The following CPA6 variants were observed in gnomAD, a reference collection of about 807,000 sequenced individuals.
The protein encoded by CPA6 is carboxypeptidase A6.
CPA6 carries 58 observed loss-of-function variants against 63.3 expected under a neutral mutation model. That is an observed-to-expected ratio of 0.92 (90% CI 0.74 to 1.14). CPA6 has a LOEUF of 1.14. Ranked by LOEUF, CPA6 falls within the 50% of genes most tolerant of loss-of-function variation. The pLI is 0.00. For missense variants in CPA6, 565 were observed against 526.6 expected, an observed-to-expected ratio of 1.07 and a Z score of -0.71; for synonymous variants, 185 against 179.0, an observed-to-expected ratio of 1.03 and a Z score of -0.27.
At chr8:67,432,629 A>AT (rs1212915419) in intron 9 of CPA6, among the ~76,000 whole-genome samples, 1 of 152,008 alleles carries the variant, frequency 6.6e-6, no homozygotes, top group African/African-American at 2.4e-5. Flanking sequence ...CACCTGGCTA[A>AT]TTTTTAATTT....
At chr8:67,457,855 C>T (rs543472972) in intron 8 of CPA6, among the ~76,000 whole-genome samples, 70 of 152,288 alleles carry the variant, frequency 4.6e-4, no homozygotes, top group African/African-American at 1.6e-3. Flanking sequence ...CCAATTCCTG[C>T]TCTGTCATTC....
At chr8:67,455,718 T>G (rs1342444682) in intron 8 of CPA6, among the ~76,000 whole-genome samples, 1 of 151,314 alleles carries the variant, frequency 6.6e-6, no homozygotes, top group African/African-American at 2.4e-5. Context: ...AGACTGTTTT[T>G]TTTGTTTGTT....
intron 8 of CPA6, among the ~76,000 whole-genome samples, chr8:67,464,641 G>A (rs761306118): frequency 3.3e-5 from 5 of 152,146 alleles, no homozygotes; most frequent in Non-Finnish European, 7.3e-5. Flanking sequence ...AATTTTTATA[G>A]TTTGAGGCCT....
At chr8:67,422,930 A>T (rs754144497) in intron 10 of CPA6, among the ~76,000 whole-genome samples, 1 of 152,212 alleles carries the variant, frequency 6.6e-6, no homozygotes, top group Non-Finnish European at 1.5e-5. Flanking sequence ...ACCAGCACGA[A>T]GACTAAAATT....
At chr8:67,651,839 C>A (rs1815846793) in intron 1 of CPA6, among the ~76,000 whole-genome samples, 1 of 151,872 alleles carries the variant, frequency 6.6e-6, no homozygotes, top group South Asian at 2.1e-4. Context: ...TGTGCTGCAC[C>A]CATTAACTCG....
intron 2 of CPA6, among the ~76,000 whole-genome samples, chr8:67,597,140 C>G (rs1361674213): frequency 6.6e-6 from 1 of 150,616 alleles, no homozygotes; most frequent in Non-Finnish European, 1.5e-5. Flanking sequence ...TTCTTTTTCT[C>G]TTTTTTCCTT....
chr8:67,509,703 G>T, intron 4 of CPA6, 85 bp from the exon 5 acceptor site: 1 of 637,962 alleles, frequency 1.6e-6, no homozygotes, highest in South Asian at 2.3e-5. Context: ...AAAGACAACA[G>T]TAGTTCTCCG....
chr8:67,517,535 C>T (rs11994817), intron 3 of CPA6, among the ~76,000 whole-genome samples: 23,072 of 152,184 alleles, frequency 0.15, 4,890 homozygotes, highest in African/African-American at 0.48. Context: ...TCTGCACTTG[C>T]ATGCTGCTTC....
rs141331556 is a variant in CPA6, at chr8:67,501,943, A to G, written c.636+4844T>C. 2.8e-3 allele frequency among the ~76,000 whole-genome samples: 429 copies of G among 152,326 alleles called. 3 individuals are homozygous for G. The highest frequency in any genetic ancestry group is 9.7e-3 in the African/African-American group (403 of 41,576). On this transcript the variant is annotated intron_variant, in intron 6 of 10. Transcript: ENST00000297770. ...AGTTATAGGGATATTCAAATTCTCT[A>G]CTTTCTAATAGGTAAGTTGTAGTAG... is the stretch of plus-strand genomic sequence containing the variant.
chr8:67,646,545 G>A (rs1815718417), intron 1 of CPA6, among the ~76,000 whole-genome samples: 1 of 152,124 alleles, frequency 6.6e-6, no homozygotes, highest in Non-Finnish European at 1.5e-5. Context: ...AAGATCTTGG[G>A]AGAGAAAAAA....
intron 9 of CPA6, among the ~76,000 whole-genome samples, chr8:67,428,590 T>G (rs1392064885): frequency 1.3e-5 from 2 of 152,206 alleles, no homozygotes; most frequent in Admixed American, 1.3e-4. Flanking sequence ...TTCAAGCGAT[T>G]CCCCTGCCTC....
chr8:67,504,827 G>A (rs1345734881), intron 6 of CPA6, among the ~76,000 whole-genome samples: 5 of 152,168 alleles, frequency 3.3e-5, no homozygotes. Context: ...TGAAAGAGGT[G>A]TGGGGAGGGT....
At chr8:67,587,238 C>T (rs988525298) in intron 2 of CPA6, among the ~76,000 whole-genome samples, 1 of 152,078 alleles carries the variant, frequency 6.6e-6, no homozygotes, top group Non-Finnish European at 1.5e-5. Flanking sequence ...CTTGAAGTAT[C>T]TCCTTTCGAC....
intron 2 of CPA6, among the ~76,000 whole-genome samples, chr8:67,546,532 C>T (rs537690754): frequency 2.6e-5 from 4 of 152,308 alleles, no homozygotes; most frequent in South Asian, 2.1e-4. Context: ...CTTTCAACAT[C>T]GCATGTAACT....
intron 1 of CPA6, among the ~76,000 whole-genome samples, chr8:67,646,202 C>G (rs1176850839): frequency 6.6e-6 from 1 of 152,188 alleles, no homozygotes; most frequent in Non-Finnish European, 1.5e-5. Flanking sequence ...GCAGGCAGCA[C>G]TCCAGTTTCT....
At chr8:67,495,129 C>T (rs933107354) in intron 6 of CPA6, among the ~76,000 whole-genome samples, 1 of 151,992 alleles carries the variant, frequency 6.6e-6, no homozygotes, top group African/African-American at 2.4e-5. Context: ...ATTTCACCAG[C>T]TTAGTGTAGT....
chr8:67,654,868 T>C (rs1815945710), intron 1 of CPA6, among the ~76,000 whole-genome samples: 1 of 152,158 alleles, frequency 6.6e-6, no homozygotes, highest in African/African-American at 2.4e-5. Context: ...TGGCCAGATT[T>C]GTCTAATTTT....
chr8:67,577,549 T>G (rs541792582), intron 2 of CPA6, among the ~76,000 whole-genome samples: 1 of 152,280 alleles, frequency 6.6e-6, no homozygotes, highest in South Asian at 2.1e-4. Flanking sequence ...AGATGGCTAA[T>G]TTTTTGTATT....
At position 67,607,228 on chromosome 8, in the gene CPA6, CT is replaced by C. The variant is rs1564021410; in HGVS notation, c.192+16947del. On this transcript the variant is annotated intron_variant, in intron 2 of 10. Coordinates refer to ENST00000297770, the MANE Select transcript of CPA6 (RefSeq NM_020361.5). Reference sequence around the variant, plus strand: ...TCTTCTTCTTCTTCTTCTTCTTCTTCTTCTTCTTCTTCTTCTTCTTCTTCTC... The same window carrying C: ...TCTTCTTCTTCTTCTTCTTCTTCTTCTCTTCTTCTTCTTCTTCTTCTTCTC... Among the ~76,000 whole-genome samples the C allele has an allele frequency of 2.2e-3, 256 of 116,198 alleles. 34 individuals carry two copies. Among genetic ancestry groups the C allele is most frequent in the Admixed American group, 2.8e-3 (29 of 10,418 alleles). The allele number at this position is 116,198 out of a possible 152,430, so 76.2% of individuals were successfully genotyped here. A position where few individuals can be genotyped will look rare whatever the true frequency, so the allele number is the denominator to read the frequency against.
Sources: allele counts gnomAD v4.1 joint callset (sites outside exome capture counted in the v4.1 genomes callset), GRCh38; gene constraint gnomAD v4.1.1; transcripts MANE v1.5; gene names NCBI Gene and HGNC (gene_info 2026-07-23, HGNC 2026-07-21).